HDX: variants seen among roughly 807,000 people sequenced by gnomAD.
HDX encodes the protein chromosome X open reading frame 43.
In HDX, 19 loss-of-function variants were observed where a neutral mutation model predicts 45.2. That is an observed-to-expected ratio of 0.42 (90% CI 0.29 to 0.62). The LOEUF (loss-of-function observed/expected upper bound fraction) is 0.62. Ranked by LOEUF, HDX falls within the 20% of genes least tolerant of loss-of-function variation. The pLI is 0.20. For missense variants in HDX, 532 were observed against 493.9 expected, an observed-to-expected ratio of 1.08 and a Z score of -0.73; for synonymous variants, 188 against 172.8, an observed-to-expected ratio of 1.09 and a Z score of -0.69.
At chrX:84,383,430 C>T (rs1320172428) in intron 5 of HDX, among the ~76,000 whole-genome samples, 2 of 111,544 alleles carry the variant, frequency 1.8e-5, no homozygotes, top group African/African-American at 3.3e-5. Context: ...GTAAGTAAAA[C>T]TGAAAAAACT....
At chrX:84,340,495 T>C (rs781187840) in intron 7 of HDX, among the ~76,000 whole-genome samples, 1 of 111,089 alleles carries the variant, frequency 9.0e-6, no homozygotes, top group African/African-American at 3.3e-5. Flanking sequence ...TTTTTCTTTA[T>C]ATTTCTTAGA....
intron 7 of HDX, among the ~76,000 whole-genome samples, chrX:84,341,761 T>C (rs137957006): frequency 0.084 from 9,019 of 107,172 alleles, 407 homozygotes; most frequent in East Asian, 0.25. Context: ...ACTACGTTGC[T>C]GAGGCTGGAG....
At chrX:84,389,561 G>T (rs1045720300) in intron 5 of HDX, among the ~76,000 whole-genome samples, 5 of 111,645 alleles carry the variant, frequency 4.5e-5, no homozygotes, top group African/African-American at 1.6e-4. Context: ...CGCACTGAGG[G>T]ATCCAATGTT....
chrX:84,347,005 T>A (rs1345392995), intron 6 of HDX, among the ~76,000 whole-genome samples: 1 of 111,579 alleles, frequency 9.0e-6, no homozygotes, highest in Non-Finnish European at 1.9e-5. Context: ...AGATCTTTGA[T>A]TTCTTTTATC....
chrX:84,477,678 A>G (rs1304464420), intron 2 of HDX, among the ~76,000 whole-genome samples: 1 of 112,115 alleles, frequency 8.9e-6, no homozygotes, highest in Non-Finnish European at 1.9e-5. Context: ...TGGCCTCTGA[A>G]GTGGCAAGAT....
At chrX:84,340,883 TTC>T (rs1462140375) in intron 7 of HDX, among the ~76,000 whole-genome samples, 1 of 111,440 alleles carries the variant, frequency 9.0e-6, no homozygotes, top group African/African-American at 3.3e-5. Context: ...TTTCTTCTTT[TTC>T]TCATTGTGTC....
chrX:84,336,884 C>A lies in HDX; in HGVS notation c.1661-4G>T. ...GGAACAACTTCATTGGGCTCTTCTA[C>A]AGAAAAAAATGCCATAATTTCATTT... On this transcript the variant is annotated splice_polypyrimidine_tract_variant and splice_region_variant and intron_variant, in intron 7 of 10. Transcript: ENST00000373177. 1 of 1,142,437 alleles carries A rather than the reference C, an allele frequency of 8.8e-7. No individual in the cohort carries two copies. The highest frequency in any genetic ancestry group is 2.4e-5 in the Admixed American group (1 of 41,574). The allele number at this position is 1,142,437 out of a possible 1,213,427, so 94.1% of individuals were successfully genotyped here.
intron 1 of HDX, among the ~76,000 whole-genome samples, chrX:84,495,126 G>A (rs2040973596): frequency 9.1e-6 from 1 of 109,677 alleles, no homozygotes; most frequent in Non-Finnish European, 1.9e-5. Flanking sequence ...TCTCACATAT[G>A]TGGAATCTAA....
In HDX at chrX:84,350,612, T is replaced by C. The variant is rs778319213; in HGVS notation, c.1453-6155A>G. Among the ~76,000 whole-genome samples, 7 of 111,914 alleles carry C rather than the reference T, an allele frequency of 6.3e-5. No homozygotes were observed. In the East Asian group the frequency reaches 2.0e-3, roughly 32 times the overall value. ...TTGTCCCCTGTAATTTCCTTTGCTC[T>C]GAAGTTTACTTTATCCGATATTATT... On this transcript the variant is annotated intron_variant, in intron 6 of 10. Transcript: ENST00000373177.
intron 6 of HDX, among the ~76,000 whole-genome samples, chrX:84,349,303 A>T (rs1323339780): frequency 9.1e-6 from 1 of 109,726 alleles, no homozygotes; most frequent in Non-Finnish European, 1.9e-5. Flanking sequence ...ATTTGTTAAG[A>T]TGAACTGACA....
chrX:84,487,684 C>T (rs907528571), intron 2 of HDX, among the ~76,000 whole-genome samples: 2 of 111,859 alleles, frequency 1.8e-5, no homozygotes, highest in African/African-American at 6.5e-5. Flanking sequence ...AAAAGATCCC[C>T]TTCCTCAACT....
intron 5 of HDX, among the ~76,000 whole-genome samples, chrX:84,365,552 G>T (rs2037728994): frequency 8.9e-6 from 1 of 111,821 alleles, no homozygotes; most frequent in Non-Finnish European, 1.9e-5. Context: ...GGATGTGATT[G>T]GCTTGTTTGA....
chrX:84,459,915 T>C (rs1449602023), intron 4 of HDX, among the ~76,000 whole-genome samples: 1 of 111,315 alleles, frequency 9.0e-6, no homozygotes, highest in Non-Finnish European at 1.9e-5. Flanking sequence ...AGCAACTATA[T>C]GCCAATAACT....
At chrX:84,363,384 A>G (rs1253389476) in intron 5 of HDX, among the ~76,000 whole-genome samples, 21 of 112,093 alleles carry the variant, frequency 1.9e-4, no homozygotes, top group Non-Finnish European at 1.9e-4. Flanking sequence ...TTTCCTTTAC[A>G]TCATATTCTC....
At chrX:84,414,121 C>T (rs986377072) in intron 5 of HDX, among the ~76,000 whole-genome samples, 2 of 111,604 alleles carry the variant, frequency 1.8e-5, no homozygotes, top group African/African-American at 6.5e-5. Flanking sequence ...TTACTGCCAG[C>T]TAGTGAAGTC....
intron 2 of HDX, among the ~76,000 whole-genome samples, chrX:84,483,906 T>C (rs945956117): frequency 9.0e-6 from 1 of 111,297 alleles, no homozygotes; most frequent in African/African-American, 3.3e-5. Flanking sequence ...ATACCACCAG[T>C]CTCTGTAGAG....
chrX:84,444,506 C>A (rs1358137236), intron 4 of HDX, among the ~76,000 whole-genome samples: 1 of 110,483 alleles, frequency 9.1e-6, no homozygotes, highest in Non-Finnish European at 1.9e-5. Context: ...TGAAGAAAGG[C>A]CTTATGTGTA....
rs1328613942 is a variant in HDX, at chrX:84,482,774, G to T, written c.-1+5250C>A. On this transcript the variant is annotated intron_variant, in intron 2 of 10. Transcript: ENST00000373177. ...CCTCCAAAGCCTTAATTCATTCCAG[G>T]ATTAACCCAAAAGTCCAAGTCCAAA... Among the ~76,000 whole-genome samples the T allele has an allele frequency of 5.4e-5, 6 of 111,097 alleles. No homozygotes were observed. The Admixed American group carries it at 5.7e-4, about 11-fold the overall frequency.
intron 5 of HDX, among the ~76,000 whole-genome samples, chrX:84,424,329 G>GA (rs1232515284): frequency 2.7e-5 from 3 of 109,745 alleles, no homozygotes; most frequent in Non-Finnish European, 5.7e-5. Flanking sequence ...ACCAAAAAAT[G>GA]AAAAAAATAC....
Sources: gnomAD v4.1 joint callset for allele counts (sites outside exome capture counted in the v4.1 genomes callset) on GRCh38, gnomAD v4.1.1 for gene constraint, MANE v1.5 for transcripts, NCBI Gene and HGNC (gene_info 2026-07-23, HGNC 2026-07-21) for gene names.